Variants in PDE6A observed in about 807,000 individuals in gnomAD.
The protein encoded by PDE6A is rod cGMP-specific 3',5'-cyclic phosphodiesterase subunit alpha.
PDE6A carries 84 observed loss-of-function variants against 106.3 expected under a neutral mutation model. That is an observed-to-expected ratio of 0.79 (90% confidence interval 0.66 to 0.95). The LOEUF (loss-of-function observed/expected upper bound fraction) is 0.95, where lower values mean the gene tolerates loss of function less well. Ranked by LOEUF, PDE6A falls within the 40% of genes least tolerant of loss-of-function variation. The pLI is 0.00. For synonymous variants in PDE6A, 394 were observed against 386.6 expected, an observed-to-expected ratio of 1.02 and a Z score of -0.23; for missense variants, 1,052 against 1,084.9, an observed-to-expected ratio of 0.97 and a Z score of 0.43.
intron 5 of PDE6A, among the ~76,000 whole-genome samples, chr5:149,917,938 C>T (rs1753601512): frequency 1.3e-5 from 2 of 152,178 alleles, no homozygotes; most frequent in Non-Finnish European, 2.9e-5. Context: ...TCTCTTACTC[C>T]CTTTCCTGTC....
At chr5:149,927,045 C>T (rs1253668856) in intron 4 of PDE6A, among the ~76,000 whole-genome samples, 1 of 150,922 alleles carries the variant, frequency 6.6e-6, no homozygotes, top group Admixed American at 6.6e-5. Flanking sequence ...TACAGTCATG[C>T]GTCACTTAAT....
chr5:149,910,971 C>T (rs1380577419), intron 6 of PDE6A, among the ~76,000 whole-genome samples: 1 of 150,514 alleles, frequency 6.6e-6, no homozygotes, highest in Non-Finnish European at 1.5e-5. Context: ...CCTCCACCTC[C>T]CCGGCTCAAG....
intron 6 of PDE6A, among the ~76,000 whole-genome samples, chr5:149,913,229 C>T (rs1753439753): frequency 6.6e-6 from 1 of 151,672 alleles, no homozygotes; most frequent in African/African-American, 2.4e-5. Flanking sequence ...TAAAAATACA[C>T]AAATTAGCTG....
chr5:149,921,068 C>G (rs921672183), intron 5 of PDE6A, among the ~76,000 whole-genome samples: 2 of 152,226 alleles, frequency 1.3e-5, no homozygotes, highest in South Asian at 4.2e-4. Context: ...TTCTGGCTAC[C>G]AATTTGTACA....
rs1451222649 is a variant in PDE6A at position 149,863,147 on chromosome 5, C to T, written c.2478G>A (p.Lys826=). ...ACTTGGCCGACTGCTGTTTCTGCTT[C>T]TTCTCCTCCTGCACCTTCATCTTGG... ...YDAKMKVQEE[K]KQKQQSAKSA... Residue 826 remains lysine (K), a synonymous_variant, in exon 21 of 22, where the codon AAG becomes AAA. Coordinates refer to ENST00000255266, the MANE Select transcript of PDE6A (RefSeq NM_000440.3). This position sits in a 1 kb window ranked among gnomAD's most constrained non-coding sequence, Gnocchi z 4.7. 1.9e-6 allele frequency: 3 copies of T among 1,613,372 alleles called. No individual in the cohort carries two copies. The highest frequency in any genetic ancestry group is 2.5e-6 in the Non-Finnish European group (3 of 1,180,044).
intron 21 of PDE6A, among the ~76,000 whole-genome samples, chr5:149,861,213 G>A (rs1760128899): frequency 6.6e-6 from 1 of 152,268 alleles, no homozygotes; most frequent in East Asian, 1.9e-4. Context: ...ATGTCTGGGA[G>A]ACCAGGGGAG....
At chr5:149,892,705 T>C (rs1169652867) in intron 13 of PDE6A, among the ~76,000 whole-genome samples, 1 of 152,124 alleles carries the variant, frequency 6.6e-6, no homozygotes, top group Non-Finnish European at 1.5e-5. Flanking sequence ...GACCTCGAAC[T>C]CCTGGGCTCA....
intron 21 of PDE6A, among the ~76,000 whole-genome samples, chr5:149,862,463 C>T (rs1760178868): frequency 6.6e-6 from 1 of 152,188 alleles, no homozygotes; most frequent in Non-Finnish European, 1.5e-5. Flanking sequence ...AATAGGGCCT[C>T]AAATTCCTTC....
Position 149,916,845 on chromosome 5 carries a change from G to A in PDE6A, c.934-1838C>T, listed in dbSNP as rs114731316. ...GTGCTTTTCCTCTATGTCACCTAAC[G>A]TTAACAGCTTAGTGTTTTACTGTCC... On this transcript the variant is annotated intron_variant, in intron 5 of 21. Transcript: ENST00000255266. 6.6e-3 allele frequency among the ~76,000 whole-genome samples: 998 copies of A among 152,200 alleles called. 12 individuals are homozygous for A. The highest frequency in any genetic ancestry group is 0.023 in the African/African-American group (947 of 41,528).
intron 4 of PDE6A, among the ~76,000 whole-genome samples, chr5:149,929,497 C>A (rs991170516): frequency 2.0e-5 from 3 of 152,098 alleles, no homozygotes; most frequent in Non-Finnish European, 2.9e-5. Flanking sequence ...GTCCCAGCTA[C>A]TCGGGAGACT....
intron 13 of PDE6A, among the ~76,000 whole-genome samples, chr5:149,890,370 C>T (rs990774500): frequency 6.6e-6 from 1 of 152,184 alleles, no homozygotes; most frequent in Non-Finnish European, 1.5e-5. Context: ...AAAAGAGAGA[C>T]ATTAAACTAA....
intron 17 of PDE6A, among the ~76,000 whole-genome samples, chr5:149,876,283 TG>T (rs1760735804): frequency 6.6e-6 from 1 of 152,038 alleles, no homozygotes. Context: ...TATTGGTTTA[TG>T]AATGAATATT....
At chr5:149,862,532 G>T (rs1408641498) in intron 21 of PDE6A, among the ~76,000 whole-genome samples, 1 of 152,186 alleles carries the variant, frequency 6.6e-6, no homozygotes, top group African/African-American at 2.4e-5. Flanking sequence ...GCCGAGGCGG[G>T]TGGATCACCT....
intron 4 of PDE6A, among the ~76,000 whole-genome samples, chr5:149,925,977 C>T (rs1373977428): frequency 6.6e-6 from 1 of 152,080 alleles, no homozygotes; most frequent in Non-Finnish European, 1.5e-5. Context: ...CATGGTGGCT[C>T]ACACCTGTAA....
chr5:149,889,807 T>G lies in PDE6A; in HGVS notation c.1729-3433A>C, dbSNP rs535340468. Among the ~76,000 whole-genome samples, 143 of 150,390 alleles carry G rather than the reference T, an allele frequency of 9.5e-4. 1 individual carries two copies. The highest frequency in any genetic ancestry group is 2.4e-4 in the Non-Finnish European group (16 of 67,736). ...CTGTAATCCCAGTTACTGGGGAGGC[T>G]GAGACAGGAGAATCGCTTGAACCCA... On this transcript the variant is annotated intron_variant, in intron 13 of 21. Transcript: ENST00000255266.
chr5:149,867,667 C>T, intron 19 of PDE6A, 58 bp downstream of exon 19: 1 of 1,445,262 alleles, frequency 6.9e-7, no homozygotes, highest in East Asian at 2.3e-5. Flanking sequence ...GAGGTCATAT[C>T]TAGGTCAGGA....
In PDE6A at chr5:149,895,259, T is replaced by TCATG. The variant is rs1295637847; in HGVS notation, c.1651_1652insCATG (p.Lys551ThrfsTer2). 1.2e-6 allele frequency: 2 copies of TCATG among 1,613,838 alleles called. No individual in the cohort carries two copies. The highest frequency in any genetic ancestry group is 1.1e-5 in the South Asian group (1 of 91,072). ...GTGGTAGGTGATCTTGCGGTAGCCC[T>TCATG]TACTCAGGGAGTACATGAACCGCAC... On this transcript the variant is annotated stop_gained and frameshift_variant, in exon 13 of 22. Transcript: ENST00000255266. LOFTEE classifies it high-confidence loss of function.
intron 1 of PDE6A, among the ~76,000 whole-genome samples, chr5:149,937,198 CA>C (rs1754207553): frequency 6.6e-6 from 1 of 152,052 alleles, no homozygotes; most frequent in Non-Finnish European, 1.5e-5. Context: ...ACGGAGCATG[CA>C]AAGGCCAGCA....
At chr5:149,898,164 G>C (rs1186334887) in intron 10 of PDE6A, among the ~76,000 whole-genome samples, 199 bp downstream of exon 10, 1 of 152,162 alleles carries the variant, frequency 6.6e-6, no homozygotes, top group African/African-American at 2.4e-5. Context: ...GCACTCATCT[G>C]CTCATGCACT....
Sources: gnomAD v4.1 joint callset for allele counts (sites outside exome capture counted in the v4.1 genomes callset) on GRCh38, gnomAD v4.1.1 for gene constraint, Gnocchi (gnomAD v3.1) non-coding constraint, MANE v1.5 for transcripts, NCBI Gene and HGNC (gene_info 2026-07-23, HGNC 2026-07-21) for gene names.